ITGB5: variants seen among roughly 807,000 people sequenced by gnomAD.
ITGB5 encodes integrin subunit beta 5, also known as integrin beta-5.
In ITGB5, 38 loss-of-function variants were observed where a neutral mutation model predicts 84.8. The observed-to-expected ratio is 0.45, with a 90% CI of 0.35 to 0.59. ITGB5 has a LOEUF of 0.59. Among genes scored for constraint, ITGB5 ranks in the 20% least tolerant of loss-of-function variants. The pLI is 0.01. For synonymous variants in ITGB5, 393 were observed against 414.4 expected (o/e 0.95, Z 0.63); for missense variants, 905 against 1,034.5 (o/e 0.87, Z 1.72).
chr3:124,859,848 T>C (rs1043610772), intron 2 of ITGB5, among the ~76,000 whole-genome samples: 4 of 152,178 alleles, frequency 2.6e-5, no homozygotes, highest in Non-Finnish European at 4.4e-5. Context: ...TTTGGGAGAC[T>C]GAGGTGGGAG....
At chr3:124,848,131 CACTT>C (rs1466021492) in intron 4 of ITGB5, among the ~76,000 whole-genome samples, 174 bp downstream of exon 4, 1 of 152,168 alleles carries the variant, frequency 6.6e-6, no homozygotes, top group Non-Finnish European at 1.5e-5. Context: ...ACAGTTCACT[CACTT>C]CTTCACACGT....
Position 124,773,803 on chromosome 3 carries a change from G to T in ITGB5, c.1803C>A (p.Ile601=). Residue 601 remains isoleucine, a synonymous_variant, in exon 11 of 15, where the codon ATC becomes ATA. Coordinates refer to ENST00000296181, the MANE Select transcript of ITGB5 (RefSeq NM_002213.5). ...ISTCRGRDGQ[I]CSERGHCLCG... is the part of the protein sequence containing the mutation. ...AGAGACAGTGCCCACGCTCGCTGCA[G>T]ATCTGGCCATCTCTGCCCCGGCATG... The T allele has an allele frequency of 1.2e-6, 2 of 1,614,026 alleles. 1 individual carries two copies. The highest frequency in any genetic ancestry group is 4.5e-5 in the East Asian group (2 of 44,892).
chr3:124,882,580 G>A (rs1399675253), intron 1 of ITGB5, among the ~76,000 whole-genome samples: 2 of 152,212 alleles, frequency 1.3e-5, no homozygotes, highest in Non-Finnish European at 2.9e-5. Context: ...AAGGGAAAGT[G>A]GTGAAGGAAA....
upstream of ITGB5, among the ~76,000 whole-genome samples, chr3:124,890,194 A>C (rs865955782): frequency 2.2e-5 from 3 of 139,324 alleles, no homozygotes; most frequent in South Asian, 6.8e-4. Context: ...ATTAGTACTT[A>C]TCTAGCTTTT....
chr3:124,773,145 G>A (rs974369432), intron 11 of ITGB5, among the ~76,000 whole-genome samples: 1 of 152,090 alleles, frequency 6.6e-6, no homozygotes, highest in African/African-American at 2.4e-5. Context: ...GACCTCAAGT[G>A]ATCCACCCGT....
intron 11 of ITGB5, chr3:124,770,317 T>C (rs1209639260): frequency 6.6e-6 from 1 of 152,272 alleles, no homozygotes. Flanking sequence ...GGGTCAGGAC[T>C]CAAGAGCCAG....
At chr3:124,827,645 T>C (rs2064801521) in intron 5 of ITGB5, among the ~76,000 whole-genome samples, 1 of 152,156 alleles carries the variant, frequency 6.6e-6, no homozygotes, top group African/African-American at 2.4e-5. Context: ...AAATGATAAA[T>C]GTTCTTTGTG....
Position 124,763,382 on chromosome 3 carries a change from G to C in ITGB5, c.*241C>G. ...GGCAGGGAAAGCTGAGAGCGCCAAG[G>C]TCCCCTTGCTTTATCCCAAGCTCGG... On this transcript the variant is annotated 3_prime_UTR_variant, in exon 15 of 15. Coordinates refer to ENST00000296181, the MANE Select transcript of ITGB5 (RefSeq NM_002213.5). 1 of 355,364 alleles carries C rather than the reference G, an allele frequency of 2.8e-6. No homozygotes were observed. Among genetic ancestry groups the C allele is most frequent in the Non-Finnish European group, 5.2e-6 (1 of 193,094 alleles). The allele number at this position is 355,364 out of a possible 1,614,324, so 22.0% of individuals were successfully genotyped here.
chr3:124,894,103 A>G (rs1403086464), intron 1 of ITGB5, among the ~76,000 whole-genome samples: 2 of 150,614 alleles, frequency 1.3e-5, no homozygotes, highest in Admixed American at 6.6e-5. Flanking sequence ...AAATCCATTA[A>G]TGAAATTATA....
chr3:124,806,271 T>C, intron 9 of ITGB5, among the ~76,000 whole-genome samples: 1 of 152,306 alleles, frequency 6.6e-6, no homozygotes, highest in Middle Eastern at 3.4e-3. Context: ...TTTTCCATCA[T>C]ACCTATTTCT....
At chr3:124,881,358 A>C (rs1456990963) in intron 1 of ITGB5, among the ~76,000 whole-genome samples, 1 of 152,100 alleles carries the variant, frequency 6.6e-6, no homozygotes, top group Non-Finnish European at 1.5e-5. Context: ...AGTACCAAGC[A>C]TTGTGGCTGT....
intron 8 of ITGB5, among the ~76,000 whole-genome samples, chr3:124,816,704 G>T (rs927382175): frequency 6.6e-6 from 1 of 152,138 alleles, no homozygotes; most frequent in Admixed American, 6.6e-5. Context: ...ATGAATCGAG[G>T]GAAAGGAGGG....
intron 10 of ITGB5, among the ~76,000 whole-genome samples, chr3:124,776,919 C>A (rs184656456): frequency 6.6e-6 from 1 of 152,312 alleles, no homozygotes; most frequent in African/African-American, 2.4e-5. Flanking sequence ...GTTAAGGGAA[C>A]GGGCCTTCCT....
chr3:124,885,723 C>T (rs1271740755), intron 1 of ITGB5, among the ~76,000 whole-genome samples: 1 of 152,228 alleles, frequency 6.6e-6, no homozygotes, highest in Non-Finnish European at 1.5e-5. Context: ...TTGGAATCCA[C>T]TCATCTACTC....
intron 5 of ITGB5, among the ~76,000 whole-genome samples, chr3:124,822,122 C>T (rs2064716543): frequency 6.6e-6 from 1 of 152,148 alleles, no homozygotes; most frequent in Non-Finnish European, 1.5e-5. Flanking sequence ...TGAAATTTAT[C>T]CAGAATTCAG....
intron 1 of ITGB5, among the ~76,000 whole-genome samples, chr3:124,881,479 G>A (rs1242821880): frequency 1.3e-5 from 2 of 152,144 alleles, no homozygotes; most frequent in East Asian, 1.9e-4. Flanking sequence ...GCAGGAGGAG[G>A]AGGAGATAGT....
chr3:124,796,007 TG>T (rs1318444296), intron 10 of ITGB5, among the ~76,000 whole-genome samples: 4 of 152,196 alleles, frequency 2.6e-5, no homozygotes, highest in African/African-American at 9.7e-5. Flanking sequence ...ATGAGTTCAT[TG>T]GCTAAGGGAC....
chr3:124,783,006 A>G (rs2064026752), intron 10 of ITGB5, among the ~76,000 whole-genome samples: 1 of 151,124 alleles, frequency 6.6e-6, no homozygotes, highest in South Asian at 2.1e-4. Flanking sequence ...TTAAGATTAA[A>G]CAGGCCGGGC....
chr3:124,829,884 C>A (rs2064835367), intron 5 of ITGB5, among the ~76,000 whole-genome samples: 1 of 152,180 alleles, frequency 6.6e-6, no homozygotes, highest in South Asian at 2.1e-4. Context: ...ACCAGCAGAC[C>A]TATTTCCTCC....
Sources: gnomAD v4.1 joint callset for allele counts (sites outside exome capture counted in the v4.1 genomes callset) on GRCh38, gnomAD v4.1.1 for gene constraint, MANE v1.5 for transcripts, NCBI Gene and HGNC (gene_info 2026-07-23, HGNC 2026-07-21) for gene names.